The following GPC5 variants were observed in gnomAD, a reference collection of about 807,000 sequenced individuals.
GPC5 encodes the protein glypican-5.
A neutral mutation model predicts 53.9 loss-of-function variants in GPC5; 47 were observed. That is an observed-to-expected ratio of 0.87 (90% CI 0.69 to 1.11). The LOEUF (loss-of-function observed/expected upper bound fraction) is 1.11, where lower values mean the gene tolerates loss of function less well. Among genes scored for constraint, GPC5 ranks in the 50% most tolerant of loss-of-function variants. The pLI is 0.00. For synonymous variants in GPC5, 286 were observed against 263.3 expected (o/e 1.09, Z -0.84); for missense variants, 748 against 713.1 (o/e 1.05, Z -0.56).
At chr13:92,480,793 A>C (rs553057611) in intron 7 of GPC5, among the ~76,000 whole-genome samples, 1 of 152,328 alleles carries the variant, frequency 6.6e-6, no homozygotes, top group South Asian at 2.1e-4. Flanking sequence ...AAGGATCTGG[A>C]AATGAAGGGA....
intron 7 of GPC5, among the ~76,000 whole-genome samples, chr13:92,220,268 A>G (rs1396879435): frequency 6.6e-6 from 1 of 152,140 alleles, no homozygotes; most frequent in South Asian, 2.1e-4. Context: ...AGATAAAAAA[A>G]AATCCTGCCC....
intron 7 of GPC5, among the ~76,000 whole-genome samples, chr13:92,635,792 C>G (rs1885389477): frequency 6.6e-6 from 1 of 152,206 alleles, no homozygotes; most frequent in Non-Finnish European, 1.5e-5. Context: ...GGCTTAACGC[C>G]TTCCTTCTGC....
At chr13:92,420,883 A>G (rs1252766476) in intron 7 of GPC5, among the ~76,000 whole-genome samples, 4 of 152,102 alleles carry the variant, frequency 2.6e-5, no homozygotes, top group East Asian at 1.9e-4. Flanking sequence ...TTCTTTTTCT[A>G]TTCATCTGTT....
intron 6 of GPC5, among the ~76,000 whole-genome samples, chr13:92,119,071 A>T (rs2041623491): frequency 6.6e-6 from 1 of 152,198 alleles, no homozygotes; most frequent in Admixed American, 6.5e-5. Context: ...AATAGGTTTA[A>T]CTGACTCATA....
At chr13:92,096,980 T>C (rs1247870397) in intron 6 of GPC5, among the ~76,000 whole-genome samples, 1 of 152,140 alleles carries the variant, frequency 6.6e-6, no homozygotes, top group African/African-American at 2.4e-5. Context: ...ATGAATTTGC[T>C]AGTAAAGAGT....
intron 6 of GPC5, among the ~76,000 whole-genome samples, chr13:92,085,676 GA>G (rs2041330055): frequency 6.6e-6 from 1 of 152,154 alleles, no homozygotes; most frequent in Non-Finnish European, 1.5e-5. Context: ...TGGGAGCCCT[GA>G]GCTTGTTTTC....
intron 5 of GPC5, among the ~76,000 whole-genome samples, chr13:91,827,388 G>A (rs140733679): frequency 2.0e-5 from 3 of 151,792 alleles, no homozygotes; most frequent in Admixed American, 2.0e-4. Context: ...ATGCACACAG[G>A]CACGAATTGG....
At chr13:92,567,547 C>T (rs781224548) in intron 7 of GPC5, among the ~76,000 whole-genome samples, 1 of 152,024 alleles carries the variant, frequency 6.6e-6, no homozygotes, top group Admixed American at 6.6e-5. Flanking sequence ...CTGGATTAAT[C>T]GAATGGGCTT....
At chr13:91,784,827 A>G (rs1029286569) in intron 5 of GPC5, among the ~76,000 whole-genome samples, 1 of 152,170 alleles carries the variant, frequency 6.6e-6, no homozygotes, top group Non-Finnish European at 1.5e-5. Context: ...TTTTGAATTC[A>G]AAAGTTGGCA....
chr13:91,861,430 C>T (rs2039027050), intron 5 of GPC5, among the ~76,000 whole-genome samples: 1 of 152,118 alleles, frequency 6.6e-6, no homozygotes, highest in Non-Finnish European at 1.5e-5. Flanking sequence ...TTATTGTCCT[C>T]TCATGAATTG....
intron 7 of GPC5, among the ~76,000 whole-genome samples, chr13:92,555,312 C>G (rs1882456829): frequency 6.6e-6 from 1 of 151,140 alleles, no homozygotes; most frequent in African/African-American, 2.4e-5. Flanking sequence ...CTCAGGAAAG[C>G]AAGCAATGAT....
chr13:92,325,858 G>C (rs2043247402), intron 7 of GPC5, among the ~76,000 whole-genome samples: 1 of 152,004 alleles, frequency 6.6e-6, no homozygotes, highest in Non-Finnish European at 1.5e-5. Context: ...GCACAGAGGG[G>C]GTGACGTTAC....
intron 7 of GPC5, among the ~76,000 whole-genome samples, chr13:92,401,546 A>G (rs1875561247): frequency 6.6e-6 from 1 of 152,162 alleles, no homozygotes; most frequent in Non-Finnish European, 1.5e-5. Flanking sequence ...TTGAAGCCAT[A>G]TATTTATTTC....
intron 7 of GPC5, among the ~76,000 whole-genome samples, chr13:92,299,648 C>G (rs1000933098): frequency 6.6e-6 from 1 of 152,092 alleles, no homozygotes; most frequent in Non-Finnish European, 1.5e-5. Flanking sequence ...TGATCTTTAA[C>G]TATAATTATT....
intron 6 of GPC5, among the ~76,000 whole-genome samples, chr13:92,016,344 C>A (rs1323103047): frequency 1.3e-5 from 2 of 152,090 alleles, no homozygotes; most frequent in African/African-American, 4.8e-5. Context: ...TGTCTTTATT[C>A]TGCAGGAAAC....
At chr13:91,688,632 A>G (rs1471866049) in intron 2 of GPC5, among the ~76,000 whole-genome samples, 1 of 152,122 alleles carries the variant, frequency 6.6e-6, no homozygotes, top group Non-Finnish European at 1.5e-5. Flanking sequence ...GTGCCACTGA[A>G]GTACAGAGAT....
At chr13:91,532,320 G>A (rs1886386659) in intron 2 of GPC5, among the ~76,000 whole-genome samples, 1 of 152,154 alleles carries the variant, frequency 6.6e-6, no homozygotes, top group South Asian at 2.1e-4. Context: ...ATTCTAAATG[G>A]AAACAAGTGC....
chr13:92,020,894 G>A (rs1594727791), intron 6 of GPC5, among the ~76,000 whole-genome samples: 1 of 151,894 alleles, frequency 6.6e-6, no homozygotes, highest in Non-Finnish European at 1.5e-5. Flanking sequence ...TATCATATTC[G>A]TGAAATCATT....
intron 7 of GPC5, among the ~76,000 whole-genome samples, chr13:92,274,332 C>T (rs959259729): frequency 1.6e-4 from 25 of 152,130 alleles, no homozygotes; most frequent in African/African-American, 5.5e-4. Context: ...GTAGATCAGG[C>T]CATAACTTTT....
Sources: gnomAD v4.1 joint callset for allele counts (sites outside exome capture counted in the v4.1 genomes callset) on GRCh38, gnomAD v4.1.1 for gene constraint, MANE v1.5 for transcripts, NCBI Gene and HGNC (gene_info 2026-07-23, HGNC 2026-07-21) for gene names.